The following GLCCI1 variants were observed in gnomAD, a reference collection of about 807,000 sequenced individuals.
The protein encoded by GLCCI1 is glucocorticoid-induced transcript 1 protein.
A neutral mutation model predicts 52.2 loss-of-function variants in GLCCI1; 24 were observed. The observed-to-expected ratio is 0.46, with a 90% CI of 0.33 to 0.65. The LOEUF (loss-of-function observed/expected upper bound fraction) is 0.65. GLCCI1 is among the 30% of genes least tolerant of loss of function. GLCCI1 has a pLI of 0.02. For synonymous variants in GLCCI1, 310 were observed against 276.5 expected (o/e 1.12, Z -1.20); for missense variants, 704 against 701.5 (o/e 1.00, Z -0.04).
chr7:8,050,431 A>G (rs952027904), intron 3 of GLCCI1, among the ~76,000 whole-genome samples: 2 of 152,178 alleles, frequency 1.3e-5, no homozygotes, highest in African/African-American at 4.8e-5. Context: ...TAAAATTTAT[A>G]TGTAGAGGGA....
intron 1 of GLCCI1, among the ~76,000 whole-genome samples, chr7:7,986,142 A>G (rs12155035): frequency 0.077 from 11,765 of 152,220 alleles, 509 homozygotes; most frequent in Non-Finnish European, 0.09. Context: ...AGTGTATTCA[A>G]TCTCTTTTTC....
chr7:8,076,247 A>G (rs1226388013), intron 6 of GLCCI1, among the ~76,000 whole-genome samples: 1 of 152,140 alleles, frequency 6.6e-6, no homozygotes, highest in Non-Finnish European at 1.5e-5. Flanking sequence ...TGGGTATACT[A>G]CTTAGAGCTA....
At chr7:8,072,798 A>C (rs1257818602) in intron 6 of GLCCI1, among the ~76,000 whole-genome samples, 1 of 152,214 alleles carries the variant, frequency 6.6e-6, no homozygotes, top group Non-Finnish European at 1.5e-5. Context: ...TGGTGGCAGT[A>C]CAGCTAGACA....
chr7:8,032,494 A>G (rs1781776826), intron 3 of GLCCI1, among the ~76,000 whole-genome samples: 1 of 152,102 alleles, frequency 6.6e-6, no homozygotes, highest in African/African-American at 2.4e-5. Flanking sequence ...GTTGAAAAAC[A>G]TTTAGCTACA....
intron 1 of GLCCI1, among the ~76,000 whole-genome samples, chr7:8,000,180 C>T (rs950655826): frequency 3.3e-5 from 5 of 151,972 alleles, no homozygotes; most frequent in East Asian, 1.9e-4. Context: ...TGTGTTTCTT[C>T]GCAGTGGAAG....
At chr7:8,004,109 T>C (rs1395902001) in intron 2 of GLCCI1, 50 bp downstream of exon 2, 2 of 1,494,826 alleles carry the variant, frequency 1.3e-6, no homozygotes, top group Non-Finnish European at 1.8e-6. Context: ...TTCTTCTGTT[T>C]TGATCACAGT....
At chr7:7,984,885 TTC>T (rs773747279) in intron 1 of GLCCI1, among the ~76,000 whole-genome samples, 42 of 152,386 alleles carry the variant, frequency 2.8e-4, no homozygotes, top group Admixed American at 6.5e-4. Flanking sequence ...GCTAATGATT[TTC>T]TCACATTTCT....
chr7:8,047,659 A>T (rs10264999), intron 3 of GLCCI1, among the ~76,000 whole-genome samples: 86,326 of 152,062 alleles, frequency 0.57, 24,678 homozygotes, highest in Middle Eastern at 0.65. Flanking sequence ...TTTCAGAAGA[A>T]ACTTTAGATA....
In GLCCI1 at chr7:8,086,605, A is replaced by C. The variant is rs1238665412; in HGVS notation, c.*67A>C. On this transcript the variant is annotated 3_prime_UTR_variant, in exon 8 of 8. Transcript: ENST00000223145. This position sits in a 1 kb window ranked among gnomAD's most constrained non-coding sequence, Gnocchi z 4.4. ...GAACAAGATTTCAGACATCTGCATG[A>C]GTGACAAACTTTCTGAACACCACCA... 2 of 1,267,118 alleles carry C rather than the reference A, an allele frequency of 1.6e-6. No homozygotes were observed. The highest frequency in any genetic ancestry group is 2.2e-6 in the Non-Finnish European group (2 of 908,716). 78.5% of individuals were successfully genotyped at this position (1,267,118 alleles called of 1,614,324 possible). A position where few individuals can be genotyped will look rare whatever the true frequency, so the allele number is the denominator to read the frequency against.
chr7:8,069,282 G>T lies in GLCCI1; in HGVS notation c.967-1639G>T, dbSNP rs114559653. Among the ~76,000 whole-genome samples the T allele has an allele frequency of 5.6e-3, 858 of 152,312 alleles. 4 individuals carry two copies. The highest frequency in any genetic ancestry group is 0.019 in the African/African-American group (800 of 41,556). ...TGGCTTTGAGTAGGACAGCTGCGTT[G>T]TGGGCTCAAGCTGGGGGGATCCTGG... On this transcript the variant is annotated intron_variant, in intron 5 of 7. Coordinates refer to ENST00000223145, the MANE Select transcript of GLCCI1 (RefSeq NM_138426.4).
chr7:8,072,694 C>G lies in GLCCI1; in HGVS notation c.1177+1563C>G, dbSNP rs150683764. The stretch of plus-strand genomic sequence containing the variant: ...TGGAGAAACCAGTCTGTCTTCATTC[C>G]AAACTCATATTCTTTGTTATTAAGT... On this transcript the variant is annotated intron_variant, in intron 6 of 7. Transcript: ENST00000223145. Among the ~76,000 whole-genome samples, 1,303 of 152,172 alleles carry G rather than the reference C, an allele frequency of 8.6e-3. 21 individuals carry two copies. Among genetic ancestry groups the G allele is most frequent in the African/African-American group, 0.029 (1,216 of 41,518 alleles).
At chr7:8,009,832 A>T (rs531580377) in intron 2 of GLCCI1, among the ~76,000 whole-genome samples, 2 of 151,912 alleles carry the variant, frequency 1.3e-5, no homozygotes, top group Non-Finnish European at 2.9e-5. Context: ...TTCAGAGCAT[A>T]GTATGTTATT....
intron 6 of GLCCI1, among the ~76,000 whole-genome samples, chr7:8,080,717 TTCA>T (rs1273530096): frequency 2.0e-5 from 3 of 152,098 alleles, no homozygotes; most frequent in Non-Finnish European, 4.4e-5. Flanking sequence ...TTTTGAATGG[TTCA>T]TCATTTTTAA....
At position 7,982,617 on chromosome 7, in the gene GLCCI1, GAA is replaced by G. The variant is rs567600497; in HGVS notation, c.457+12811_457+12812del. Among the ~76,000 whole-genome samples the G allele has an allele frequency of 2.3e-4, 35 of 152,196 alleles. No homozygotes were observed. In the East Asian group the frequency reaches 6.7e-3, roughly 29 times the overall value. On this transcript the variant is annotated intron_variant, in intron 1 of 7. Coordinates refer to ENST00000223145, the MANE Select transcript of GLCCI1 (RefSeq NM_138426.4). ...GATCTAGAATATTGCCTATACTTTA[GAA>G]GTCCCCTAAGAACCCTCTCCCTCTC...
At chr7:7,996,380 C>G (rs909757148) in intron 1 of GLCCI1, among the ~76,000 whole-genome samples, 2 of 150,664 alleles carry the variant, frequency 1.3e-5, no homozygotes, top group African/African-American at 4.9e-5. Context: ...CCCAAAAAAA[C>G]GAACTTAAAA....
chr7:7,978,599 T>C (rs1174972872), intron 1 of GLCCI1, among the ~76,000 whole-genome samples: 2 of 152,178 alleles, frequency 1.3e-5, no homozygotes, highest in African/African-American at 2.4e-5. Flanking sequence ...GATTTTCTTT[T>C]ATAAGTAACA....
intron 3 of GLCCI1, among the ~76,000 whole-genome samples, chr7:8,035,687 T>G (rs1163700353): frequency 6.6e-6 from 1 of 152,164 alleles, no homozygotes; most frequent in Non-Finnish European, 1.5e-5. Context: ...ATGGGCAGAT[T>G]TCACAGCTCT....
chr7:8,001,942 C>T (rs1781057715), intron 1 of GLCCI1, among the ~76,000 whole-genome samples: 1 of 152,074 alleles, frequency 6.6e-6, no homozygotes, highest in Non-Finnish European at 1.5e-5. Context: ...ACCAGGGCCT[C>T]TCATAGGGTG....
chr7:8,018,748 G>T (rs532296377), intron 2 of GLCCI1, among the ~76,000 whole-genome samples: 33 of 151,976 alleles, frequency 2.2e-4, no homozygotes, highest in Non-Finnish European at 4.7e-4. Context: ...TTTTAGTTCT[G>T]CATTGTTCAA....
Sources: allele counts gnomAD v4.1 joint callset (sites outside exome capture counted in the v4.1 genomes callset), GRCh38; gene constraint gnomAD v4.1.1; non-coding constraint Gnocchi (gnomAD v3.1); transcripts MANE v1.5; gene names NCBI Gene and HGNC (gene_info 2026-07-23, HGNC 2026-07-21).